PYCR3: variants seen among roughly 807,000 people sequenced by gnomAD.
PYCR3 encodes the protein pyrroline-5-carboxylate reductase 3.
Under a neutral mutation model 23.4 loss-of-function variants are expected in PYCR3, and 26 were observed. The ratio of observed to expected loss-of-function variants is 1.11; its 90% CI spans 0.81 to 1.54. The LOEUF is 1.54. PYCR3 is among the 40% of genes most tolerant of loss of function. PYCR3 has a pLI of 0.00. For missense variants in PYCR3, 360 were observed against 376.3 expected, an observed-to-expected ratio of 0.96 and a Z score of 0.36; for synonymous variants, 194 against 162.6, an observed-to-expected ratio of 1.19 and a Z score of -1.47.
Position 143,605,669 on chromosome 8 carries a change from C to G in PYCR3, c.*31G>C. ...AGGGACACAGGGAGAGGCAGGGGCACAGAGGCAGGAAAGGATGGCCAGAGC... is the reference window on the plus strand; with the variant it reads ...AGGGACACAGGGAGAGGCAGGGGCAGAGAGGCAGGAAAGGATGGCCAGAGC... On this transcript the variant is annotated 3_prime_UTR_variant, in exon 6 of 6. Transcript: ENST00000495276. 6.4e-7 allele frequency: 1 copy of G among 1,568,270 alleles called. No individual in the cohort carries two copies.
At position 143,605,786 on chromosome 8, in the gene PYCR3, C is replaced by A. The variant is rs761283149; in HGVS notation, c.739G>T (p.Ala247Ser). 1.2e-6 allele frequency: 2 copies of A among 1,612,126 alleles called. No homozygotes were observed. The highest frequency in any genetic ancestry group is 1.1e-5 in the South Asian group (1 of 91,060). ...PGGTTIYGLH[A>S]LEQGGLRAAT... ...GCTCGCAGCCCGCCCTGCTCCAGGGCGTGGAGTCCATAGATGGTGGTGCCA... is the reference window on the plus strand; with the variant it reads ...GCTCGCAGCCCGCCCTGCTCCAGGGAGTGGAGTCCATAGATGGTGGTGCCA... Residue 247 changes from alanine (A) to serine (S), a missense_variant, in exon 6 of 6, where the codon GCC (alanine) becomes TCC (serine). Physicochemically the swap from Ala to Ser is moderately conservative, Grantham distance 99. Coordinates refer to ENST00000495276, the MANE Select transcript of PYCR3 (RefSeq NM_023078.6).
chr8:143,606,727 G>A, intron 3 of PYCR3, 48 bp from the exon 4 acceptor site: 2 of 1,532,016 alleles, frequency 1.3e-6, no homozygotes, highest in Non-Finnish European at 8.8e-7. Context: ...ACTGGGCCCT[G>A]CTGGGCAGGC....
At chr8:143,608,910 C>T (rs1433741484) in intron 1 of PYCR3, 1 of 456,770 alleles carries the variant, frequency 2.2e-6, no homozygotes, top group Non-Finnish European at 4.4e-6. Context: ...ACCCAGCTCT[C>T]CCTATCCACA....
rs546275972 is a variant in PYCR3 at position 143,605,688 on chromosome 8, C to A, written c.*12G>T. 6.3e-7 allele frequency: 1 copy of A among 1,582,264 alleles called. No homozygotes were observed. The highest frequency in any genetic ancestry group is 1.1e-5 in the South Asian group (1 of 89,122). The stretch of plus-strand genomic sequence containing the variant: ...GGGGCACAGAGGCAGGAAAGGATGG[C>A]CAGAGCCCAGCCTACTTTCTGCTGA... On this transcript the variant is annotated 3_prime_UTR_variant, in exon 6 of 6. Coordinates refer to ENST00000495276, the MANE Select transcript of PYCR3 (RefSeq NM_023078.6).
At chr8:143,608,515 C>T in intron 1 of PYCR3, 2 of 325,630 alleles carry the variant, frequency 6.1e-6, no homozygotes, top group South Asian at 2.8e-5. Flanking sequence ...ACAGAAGGCC[C>T]AATCGGGGCC....
At chr8:143,607,917 C>T in intron 2 of PYCR3, 145 bp downstream of exon 2, 1 of 644,960 alleles carries the variant, frequency 1.6e-6, no homozygotes. Flanking sequence ...CTCTAATCTC[C>T]CTTTTCCCAG....
At position 143,607,006 on chromosome 8, in the gene PYCR3, C is replaced by T. The variant is rs1829420601; in HGVS notation, c.283G>A (p.Glu95Lys). 6.2e-7 allele frequency: 1 copy of T among 1,613,214 alleles called. No individual in the cohort carries two copies. Among genetic ancestry groups the T allele is most frequent in the African/African-American group, 1.3e-5 (1 of 75,038 alleles). The change falls in exon 3 of 6, where the codon GAA becomes AAA. Residue 95 changes from glutamate to lysine, a missense_variant. By Grantham distance (56) the Glu-to-Lys change is moderately conservative. Transcript: ENST00000495276. ...GCAGCCACGGACACCAAGATGTGTT[C>T]AGTGGTGACCACAGGAGCCACCTCT... Reference protein sequence around the residue: ...LAEVAPVVTTEHILVSVAAGV... With the variant: ...LAEVAPVVTTKHILVSVAAGV...
chr8:143,608,906 C>T (rs1192063052), intron 1 of PYCR3: 1 of 456,866 alleles, frequency 2.2e-6, no homozygotes, highest in Non-Finnish European at 4.4e-6. Context: ...AGTCACCCAG[C>T]TCTCCCTATC....
chr8:143,606,867 C>T (rs1829415977), intron 3 of PYCR3, 86 bp downstream of exon 3: 39 of 1,467,354 alleles, frequency 2.7e-5, no homozygotes, highest in Non-Finnish European at 3.5e-5. Context: ...GGCCACCTCT[C>T]AGGCTCTCTG....
chr8:143,608,322 G>C, intron 1 of PYCR3, 196 bp from the exon 2 acceptor site: 1 of 589,098 alleles, frequency 1.7e-6, no homozygotes, highest in Non-Finnish European at 3.0e-6. Context: ...TCTACTTGGC[G>C]GTCAACGCCC....
chr8:143,607,894 C>T (rs1433994686), intron 2 of PYCR3, among the ~76,000 whole-genome samples, 168 bp downstream of exon 2: 1 of 152,204 alleles, frequency 6.6e-6, no homozygotes, highest in Non-Finnish European at 1.5e-5. Context: ...CACAACCTTA[C>T]TTTCCTCCTG....
At chr8:143,608,416 G>T in intron 1 of PYCR3, 3 of 471,534 alleles carry the variant, frequency 6.4e-6, no homozygotes, top group East Asian at 3.9e-5. Flanking sequence ...CCAGGGAAGG[G>T]AAGGCTGCCT....
rs1011462622 is a variant in PYCR3, at chr8:143,605,424, A to C, written c.*276T>G. On this transcript the variant is annotated 3_prime_UTR_variant, in exon 6 of 6. Transcript: ENST00000495276. ...CAAGACGCCATCTCTTGGGCCCCTC[A>C]GAACCAATGTTGCAGCAAGGTGGGC... 28 of 500,712 alleles carry C rather than the reference A, an allele frequency of 5.6e-5. No homozygotes were observed. The highest frequency in any genetic ancestry group is 5.0e-4 in the African/African-American group (26 of 52,428). 31.0% of individuals were successfully genotyped at this position (500,712 alleles called of 1,614,324 possible).
At position 143,609,532 on chromosome 8, in the gene PYCR3, G is replaced by T. The variant is rs769997932; in HGVS notation, c.17C>A (p.Pro6Gln). The change falls in exon 1 of 6, where the codon CCG (proline) becomes CAG (glutamine). Residue 6 changes from proline to glutamine, a missense_variant. Physicochemically the swap from Pro to Gln is moderately conservative, Grantham distance 76. Transcript: ENST00000495276. ...CACGAAGCCCACGCGCCGCGGAGACGGCTCCGCAGCTGCCATCTTGTTGCC... is the reference window on the plus strand; with the variant it reads ...CACGAAGCCCACGCGCCGCGGAGACTGCTCCGCAGCTGCCATCTTGTTGCC... MAAAE[P>Q]SPRRVGFVGA... is the part of the protein sequence containing the mutation. 3.3e-6 allele frequency: 5 copies of T among 1,511,736 alleles called. No individual in the cohort carries two copies. The South Asian group carries it at 3.7e-5, about 11-fold the overall frequency. The allele number at this position is 1,511,736 out of a possible 1,614,324, so 93.6% of individuals were successfully genotyped here.
In PYCR3 at chr8:143,608,096, C is replaced by T. The variant is rs1829452778; in HGVS notation, c.122G>A (p.Ser41Asn). ...ACATAGGTTCCTGTCTGTTGGTGCA[C>T]TGGCCAGTATGTGCTGAGCTTCCAC... ...GKVEAQHILASAPTDRNLCHF... is the reference protein window; with the variant it reads ...GKVEAQHILANAPTDRNLCHF... Residue 41 changes from serine to asparagine, a missense_variant, in exon 2 of 6, where the codon AGT (serine) becomes AAT (asparagine). Ser to Asn is a conservative substitution (Grantham distance 46). Coordinates refer to ENST00000495276, the MANE Select transcript of PYCR3 (RefSeq NM_023078.6). 1.2e-6 allele frequency: 2 copies of T among 1,613,896 alleles called. No individual in the cohort carries two copies. Among genetic ancestry groups the T allele is most frequent in the East Asian group, 2.2e-5 (1 of 44,892 alleles).
intron 2 of PYCR3, among the ~76,000 whole-genome samples, chr8:143,607,393 T>C (rs1047260333): frequency 1.3e-5 from 2 of 152,182 alleles, no homozygotes; most frequent in Non-Finnish European, 2.9e-5. Flanking sequence ...CCACCCAGCA[T>C]GCAAACACAC....
At chr8:143,607,675 T>C (rs1031305955) in intron 2 of PYCR3, among the ~76,000 whole-genome samples, 3 of 151,932 alleles carry the variant, frequency 2.0e-5, no homozygotes, top group Non-Finnish European at 4.4e-5. Context: ...CATGCACTCA[T>C]ACACACACGC....
At chr8:143,606,849 G>GGCCACACGGCCACCTCTCAGGCTC in intron 3 of PYCR3, 104 bp downstream of exon 3, 1 of 1,392,028 alleles carries the variant, frequency 7.2e-7, no homozygotes, top group Non-Finnish European at 9.8e-7. Flanking sequence ...GATCCAGGTG[G>GGCCACACGGCCACCTCTCAGGCTC]GCCACACGGC....
Position 143,608,062 on chromosome 8 carries a change from T to C in PYCR3, c.156A>G (p.Gln52=). The C allele has an allele frequency of 6.2e-7, 1 of 1,612,646 alleles. No individual in the cohort carries two copies. Among genetic ancestry groups the C allele is most frequent in the Non-Finnish European group, 8.5e-7 (1 of 1,178,728 alleles). ...APTDRNLCHF[Q]ALGCRTTHSN... is the part of the protein sequence containing the mutation. ...TGAAGAACCTGGGCTCTATGCTCAC[T>C]TGAAAGTGACATAGGTTCCTGTCTG... The change falls in exon 2 of 6, where the codon CAA becomes CAG. Residue 52 remains glutamine, a splice_region_variant and synonymous_variant. Transcript: ENST00000495276.
Sources: gnomAD v4.1 joint callset for allele counts (sites outside exome capture counted in the v4.1 genomes callset) on GRCh38, gnomAD v4.1.1 for gene constraint, MANE v1.5 for transcripts, NCBI Gene and HGNC (gene_info 2026-07-23, HGNC 2026-07-21) for gene names.